The following TAF3 variants were observed in gnomAD, a reference collection of about 807,000 sequenced individuals.
The protein encoded by TAF3 is transcription initiation factor TFIID subunit 3.
Under a neutral mutation model 80.6 loss-of-function variants are expected in TAF3, and 7 were observed. The ratio of observed to expected loss-of-function variants is 0.09; its 90% CI spans 0.05 to 0.16. The LOEUF (loss-of-function observed/expected upper bound fraction) is 0.16, where lower values mean the gene tolerates loss of function less well. TAF3 is among the 10% of genes least tolerant of loss of function. TAF3 has a pLI of 1.00. For synonymous variants in TAF3, 444 were observed against 446.1 expected, an observed-to-expected ratio of 1.00 and a Z score of 0.06; for missense variants, 921 against 1,140.2, an observed-to-expected ratio of 0.81 and a Z score of 2.77.
intron 2 of TAF3, among the ~76,000 whole-genome samples, chr10:7,927,091 G>A (rs1588554838): frequency 6.6e-6 from 1 of 152,248 alleles, no homozygotes; most frequent in Non-Finnish European, 1.5e-5. Context: ...AAAGAAACAA[G>A]CACTGGTCAT....
At chr10:7,976,445 C>T (rs1831673753) in intron 3 of TAF3, among the ~76,000 whole-genome samples, 1 of 148,418 alleles carries the variant, frequency 6.7e-6, no homozygotes, top group South Asian at 2.2e-4. Flanking sequence ...GACGGAGTCT[C>T]GCTGTGTTGC....
In TAF3 at chr10:7,882,358, A is replaced by G. The variant is rs771065996; in HGVS notation, c.409+57798A>G. On this transcript the variant is annotated intron_variant, in intron 2 of 6. Coordinates refer to ENST00000344293, the MANE Select transcript of TAF3 (RefSeq NM_031923.4). ...TTGCCTCTGAGAAGTCAGTCTCTCA[A>G]TAGGATCTTAGAGGTCATCCAGTCC... 2.0e-5 allele frequency among the ~76,000 whole-genome samples: 3 copies of G among 152,186 alleles called. 1 individual carries two copies. Among genetic ancestry groups the G allele is most frequent in the Admixed American group, 1.3e-4 (2 of 15,268 alleles).
intron 2 of TAF3, among the ~76,000 whole-genome samples, chr10:7,878,301 T>C (rs1365183566): frequency 6.6e-6 from 1 of 152,174 alleles, no homozygotes; most frequent in Non-Finnish European, 1.5e-5. Context: ...TGAAATATTA[T>C]ATAGCAATGA....
At chr10:8,004,707 T>G (rs1831975653) in intron 4 of TAF3, among the ~76,000 whole-genome samples, 1 of 152,220 alleles carries the variant, frequency 6.6e-6, no homozygotes, top group Non-Finnish European at 1.5e-5. Context: ...CTTTCAGATT[T>G]TTCCTCTCTA....
intron 2 of TAF3, among the ~76,000 whole-genome samples, chr10:7,931,598 A>G (rs1383213677): frequency 1.3e-5 from 2 of 152,236 alleles, no homozygotes; most frequent in Admixed American, 6.5e-5. Flanking sequence ...AGGTTCTAAA[A>G]GCAAGAAAAT....
Position 7,962,899 on chromosome 10 carries a change from T to G in TAF3, c.410-1021T>G. Among the ~76,000 whole-genome samples, 2 of 152,212 alleles carry G rather than the reference T, an allele frequency of 1.3e-5. 1 individual carries two copies. The highest frequency in any genetic ancestry group is 2.9e-5 in the Non-Finnish European group (2 of 68,040). ...ACTTTATCATTGTACATTATATGCTTAGTTAAAATGTGTTGGGAGAAATAA... is the reference window on the plus strand; with the variant it reads ...ACTTTATCATTGTACATTATATGCTGAGTTAAAATGTGTTGGGAGAAATAA... On this transcript the variant is annotated intron_variant, in intron 2 of 6. Transcript: ENST00000344293.
At chr10:7,914,467 GTC>G (rs1837686913) in intron 2 of TAF3, among the ~76,000 whole-genome samples, 1 of 152,158 alleles carries the variant, frequency 6.6e-6, no homozygotes, top group African/African-American at 2.4e-5. Context: ...TCTTACCTCA[GTC>G]TATAAACTCC....
intron 3 of TAF3, among the ~76,000 whole-genome samples, chr10:7,967,452 G>A (rs1291956202): frequency 2.0e-5 from 3 of 152,192 alleles, no homozygotes; most frequent in Non-Finnish European, 4.4e-5. Flanking sequence ...GACCACCTTG[G>A]TGGAAGGCAA....
chr10:7,916,019 G>T (rs748629849), intron 2 of TAF3, among the ~76,000 whole-genome samples: 1 of 151,950 alleles, frequency 6.6e-6, no homozygotes, highest in African/African-American at 2.4e-5. Flanking sequence ...TAAAGCCCCA[G>T]TCTTGTTAGG....
intron 2 of TAF3, among the ~76,000 whole-genome samples, chr10:7,886,410 A>G (rs1837409276): frequency 6.6e-6 from 1 of 151,828 alleles, no homozygotes; most frequent in Non-Finnish European, 1.5e-5. Context: ...ATTCTTCCAT[A>G]TTTGCCTTTA....
At chr10:7,968,508 T>C (rs1183736617) in intron 3 of TAF3, among the ~76,000 whole-genome samples, 3 of 152,196 alleles carry the variant, frequency 2.0e-5, no homozygotes, top group African/African-American at 2.4e-5. Context: ...GCTTCTTTAA[T>C]CCTTAAGTAT....
rs35219363 is a variant in TAF3, at chr10:7,944,093, TTGTGTGTGTGTGTG to T, written c.410-19797_410-19784del. 2.1e-3 allele frequency among the ~76,000 whole-genome samples: 294 copies of T among 137,170 alleles called. 1 individual carries two copies. Among genetic ancestry groups the T allele is most frequent in the Middle Eastern group, 3.8e-3 (1 of 262 alleles). 90.0% of individuals were successfully genotyped at this position (137,170 alleles called of 152,430 possible). ...CACTGATTTTTTAAAATGTTCATGC[TTGTGTGTGTGTGTG>T]TGTGTGTGTGTGTGTGTGTGTGTGT... On this transcript the variant is annotated intron_variant, in intron 2 of 6. Transcript: ENST00000344293.
intron 2 of TAF3, among the ~76,000 whole-genome samples, chr10:7,873,495 T>TA (rs746685320): frequency 6.6e-6 from 1 of 152,226 alleles, no homozygotes; most frequent in Non-Finnish European, 1.5e-5. Flanking sequence ...GAATATCTTT[T>TA]ATGCATTAGT....
At chr10:7,956,209 G>A (rs1838133807) in intron 2 of TAF3, among the ~76,000 whole-genome samples, 1 of 152,002 alleles carries the variant, frequency 6.6e-6, no homozygotes, top group Admixed American at 6.6e-5. Flanking sequence ...TAAAAAATAG[G>A]CCGGGCGCGG....
intron 2 of TAF3, among the ~76,000 whole-genome samples, chr10:7,830,181 C>T (rs1386320874): frequency 6.6e-6 from 1 of 152,110 alleles, no homozygotes; most frequent in Non-Finnish European, 1.5e-5. Flanking sequence ...CCATCCTTTT[C>T]TTGAAGCAGT....
chr10:7,914,706 TGG>T (rs1182971603), intron 2 of TAF3, among the ~76,000 whole-genome samples: 1 of 152,216 alleles, frequency 6.6e-6, no homozygotes, highest in Non-Finnish European at 1.5e-5. Flanking sequence ...TTCTGAGGGA[TGG>T]GGTAGTAAGT....
At chr10:7,850,025 A>G (rs1229691027) in intron 2 of TAF3, among the ~76,000 whole-genome samples, 1 of 150,282 alleles carries the variant, frequency 6.7e-6, no homozygotes, top group Non-Finnish European at 1.5e-5. Flanking sequence ...ATTATTTGTT[A>G]AAAATTGTTG....
intron 2 of TAF3, among the ~76,000 whole-genome samples, chr10:7,869,284 TGTGGA>T (rs1389084107): frequency 6.6e-6 from 1 of 151,932 alleles, no homozygotes. Flanking sequence ...TCTGTGTGTG[TGTGGA>T]GTGGAGGCAG....
At chr10:7,950,831 T>C (rs1023154306) in intron 2 of TAF3, among the ~76,000 whole-genome samples, 2 of 152,254 alleles carry the variant, frequency 1.3e-5, no homozygotes, top group East Asian at 1.9e-4. Context: ...TCTCATTCTG[T>C]GCTTTTGTTG....
Sources: allele counts gnomAD v4.1 joint callset (sites outside exome capture counted in the v4.1 genomes callset), GRCh38; gene constraint gnomAD v4.1.1; transcripts MANE v1.5; gene names NCBI Gene and HGNC (gene_info 2026-07-23, HGNC 2026-07-21).